Variants in PPFIA1 observed in about 807,000 individuals in gnomAD.
The protein encoded by PPFIA1 is liprin-alpha-1.
In PPFIA1, 25 loss-of-function variants were observed where a neutral mutation model predicts 149.9. That is an observed-to-expected ratio of 0.17 (90% CI 0.12 to 0.23). The LOEUF is 0.23. PPFIA1 is among the 10% of genes least tolerant of loss of function. The pLI is 1.00. For synonymous variants in PPFIA1, 549 were observed against 552.8 expected, an observed-to-expected ratio of 0.99 and a Z score of 0.10; for missense variants, 1,362 against 1,506.5, an observed-to-expected ratio of 0.90 and a Z score of 1.59.
chr11:70,316,450 A>G (rs2136635408), intron 2 of PPFIA1, among the ~76,000 whole-genome samples: 1 of 152,360 alleles, frequency 6.6e-6, no homozygotes. Flanking sequence ...GGTTAGTGAA[A>G]TGTTGAAAAG....
Position 70,330,304 on chromosome 11 carries a change from T to C in PPFIA1, c.1062T>C (p.Asp354=). Residue 354 remains aspartate (D), a synonymous_variant, in exon 8 of 28, where the codon GAT becomes GAC. Transcript: ENST00000253925. The part of the protein sequence containing the change: ...DKLENEIANK[D]SMHRQTEDKN... ...TTGAAAATGAAATTGCAAATAAAGA[T>C]TCTATGCATCGACAGGTAATGGATT... is the stretch of plus-strand genomic sequence containing the variant. 1 of 1,584,964 alleles carries C rather than the reference T, an allele frequency of 6.3e-7. No individual in the cohort carries two copies. The highest frequency in any genetic ancestry group is 8.6e-7 in the Non-Finnish European group (1 of 1,169,468).
rs778796834 is a variant in PPFIA1 at position 70,356,179 on chromosome 11, A to T, written c.2507A>T (p.Asp836Val). The change falls in exon 19 of 28, where the codon GAT (aspartate) becomes GTT (valine). Residue 836 changes from aspartate to valine, a missense_variant. Asp to Val is a radical substitution (Grantham distance 152). Transcript: ENST00000253925. The part of the protein sequence containing the change: ...ALGQAGVSET[D>V]NSSQDALGLS... ...CTCACAGCTGGTGTTTCCGAGACGG[A>T]TAACTCATCTCAGGATGCCTTGGGA... 1.2e-6 allele frequency: 2 copies of T among 1,614,000 alleles called. No homozygotes were observed. The highest frequency in any genetic ancestry group is 2.7e-5 in the African/African-American group (2 of 74,914).
chr11:70,326,989 T>C, intron 7 of PPFIA1, 171 bp downstream of exon 7: 2 of 611,514 alleles, frequency 3.3e-6, no homozygotes, highest in Non-Finnish European at 5.6e-6. Flanking sequence ...TGCCATAAGC[T>C]ACCTCCCCAT....
intron 2 of PPFIA1, among the ~76,000 whole-genome samples, chr11:70,290,016 C>T (rs1161311908): frequency 1.3e-5 from 2 of 152,070 alleles, no homozygotes; most frequent in Non-Finnish European, 2.9e-5. Flanking sequence ...ATCACTTGAG[C>T]CCAGGTGTTC....
chr11:70,325,080 T>C, intron 4 of PPFIA1, 69 bp downstream of exon 4: 3 of 1,422,538 alleles, frequency 2.1e-6, no homozygotes, highest in South Asian at 1.6e-5. Flanking sequence ...CAAGTGTTGG[T>C]GTAACTTTTG....
chr11:70,303,199 C>A (rs1045492136), intron 2 of PPFIA1, among the ~76,000 whole-genome samples: 1 of 152,128 alleles, frequency 6.6e-6, no homozygotes, highest in Non-Finnish European at 1.5e-5. Context: ...CCCGGTCTGA[C>A]GCAGTGTCGG....
chr11:70,322,347 C>T (rs527924376), intron 2 of PPFIA1, among the ~76,000 whole-genome samples: 76 of 152,202 alleles, frequency 5.0e-4, no homozygotes, highest in African/African-American at 1.6e-3. Flanking sequence ...AGATGTAAAT[C>T]GGTATTTGAT....
chr11:70,340,720 G>T (rs1383270717), intron 14 of PPFIA1, among the ~76,000 whole-genome samples: 1 of 152,110 alleles, frequency 6.6e-6, no homozygotes, highest in East Asian at 1.9e-4. Context: ...GGTAGTGTGT[G>T]TGTGTTGACT....
Position 70,325,541 on chromosome 11 carries a change from G to A in PPFIA1, c.573G>A (p.Leu191=), listed in dbSNP as rs2054212485. Residue 191 remains leucine, a synonymous_variant, in exon 5 of 28, where the codon TTG becomes TTA. Transcript: ENST00000253925. ...GAGTAGCACTTGAAAGATGTAGTTT[G>A]TTAGAAGAGGAATTAGGTGCCACAC... ...RLRVALERCS[L]LEEELGATHK... 2 of 1,593,706 alleles carry A rather than the reference G, an allele frequency of 1.3e-6. No individual in the cohort carries two copies. The highest frequency in any genetic ancestry group is 1.1e-5 in the South Asian group (1 of 90,680).
chr11:70,379,326 C>G (rs2057610804), intron 26 of PPFIA1, among the ~76,000 whole-genome samples: 3 of 151,882 alleles, frequency 2.0e-5, no homozygotes. Flanking sequence ...GGTGTGGTGG[C>G]ACATGCTTGT....
intron 21 of PPFIA1, among the ~76,000 whole-genome samples, chr11:70,370,392 T>C (rs2057171270): frequency 6.6e-6 from 1 of 151,798 alleles, no homozygotes; most frequent in Non-Finnish European, 1.5e-5. Context: ...AAGTTTTAAT[T>C]TTTTTTAATT....
chr11:70,336,646 A>G (rs770972675), intron 11 of PPFIA1, among the ~76,000 whole-genome samples: 1 of 152,192 alleles, frequency 6.6e-6, no homozygotes, highest in Admixed American at 6.5e-5. Flanking sequence ...TTTGATTTGG[A>G]AAAAGTTTAA....
chr11:70,306,008 G>A (rs1328988765), intron 2 of PPFIA1, among the ~76,000 whole-genome samples: 1 of 152,126 alleles, frequency 6.6e-6, no homozygotes, highest in African/African-American at 2.4e-5. Context: ...CAAAATAAAT[G>A]GATTATTTTT....
chr11:70,325,061 C>A, intron 4 of PPFIA1, 50 bp downstream of exon 4: 1 of 1,490,010 alleles, frequency 6.7e-7, no homozygotes, highest in Non-Finnish European at 9.0e-7. Context: ...GTGTATTAGG[C>A]CAGCTTCACA....
In PPFIA1 at chr11:70,338,460, T is replaced by A. The variant is rs926230761; in HGVS notation, c.1571+7T>A. 1 of 1,600,400 alleles carries A rather than the reference T, an allele frequency of 6.2e-7. No homozygotes were observed. The highest frequency in any genetic ancestry group is 2.2e-5 in the East Asian group (1 of 44,814). ...GTGCTTCACTTCATCATGGGTATGG[T>A]ATTAACCAGTGAGCAGCCATATTGT... On this transcript the variant is annotated splice_region_variant and intron_variant, in intron 13 of 27. Transcript: ENST00000253925.
chr11:70,347,345 T>C lies in PPFIA1; in HGVS notation c.1932-844T>C, dbSNP rs914524935. Among the ~76,000 whole-genome samples the C allele has an allele frequency of 2.6e-5, 4 of 152,306 alleles. No homozygotes were observed. In the East Asian group the frequency reaches 7.7e-4, roughly 29 times the overall value. ...TAAGTAAAATCAAATGTTAATGATATCCAGAACCAACAAGACTCAATGGAA... is the reference window on the plus strand; with the variant it reads ...TAAGTAAAATCAAATGTTAATGATACCCAGAACCAACAAGACTCAATGGAA... On this transcript the variant is annotated intron_variant, in intron 15 of 27. Coordinates refer to ENST00000253925, the MANE Select transcript of PPFIA1 (RefSeq NM_003626.5).
intron 2 of PPFIA1, among the ~76,000 whole-genome samples, chr11:70,276,868 A>G (rs567021260): frequency 2.0e-5 from 3 of 151,754 alleles, no homozygotes; most frequent in African/African-American, 7.3e-5. Context: ...ATAATTCTTG[A>G]TATCAGTAAT....
chr11:70,345,068 T>C (rs943558564), intron 15 of PPFIA1, among the ~76,000 whole-genome samples: 7 of 148,458 alleles, frequency 4.7e-5, no homozygotes, highest in African/African-American at 1.5e-4. Context: ...GCCCGTACTC[T>C]AGGAGAGGGC....
intron 24 of PPFIA1, 50 bp from the exon 25 acceptor site, chr11:70,376,482 T>A (rs201101020): frequency 1.9e-6 from 3 of 1,543,444 alleles, no homozygotes; most frequent in Non-Finnish European, 2.7e-6. Flanking sequence ...CTAACACCCT[T>A]CAAATTAGAT....
Sources: gnomAD v4.1 joint callset for allele counts (sites outside exome capture counted in the v4.1 genomes callset) on GRCh38, gnomAD v4.1.1 for gene constraint, MANE v1.5 for transcripts, NCBI Gene and HGNC (gene_info 2026-07-23, HGNC 2026-07-21) for gene names.